The following SLCO6A1 variants were observed in gnomAD, a reference collection of about 807,000 sequenced individuals.
SLCO6A1 encodes the protein solute carrier organic anion transporter family member 6A1, also known as cancer/testis antigen 48.
A neutral mutation model predicts 72.7 loss-of-function variants in SLCO6A1; 65 were observed. The observed-to-expected ratio is 0.89, with a 90% confidence interval of 0.73 to 1.10. SLCO6A1 has a LOEUF of 1.10. Ranked by LOEUF, SLCO6A1 falls within the 50% of genes least tolerant of loss-of-function variation. SLCO6A1 has a pLI of 0.00. For synonymous variants in SLCO6A1, 314 were observed against 298.2 expected (o/e 1.05, Z -0.55); for missense variants, 874 against 872.6 (o/e 1.00, Z -0.02).
At position 102,438,727 on chromosome 5, in the gene SLCO6A1, G is replaced by C; in HGVS notation, c.1166C>G (p.Ala389Gly). Reference sequence around the variant, plus strand: ...TAAATATTCTGTAGCTTTTGACAGAGCTAGGCATATGAGCACTGGATTCTT... The same window carrying C: ...TAAATATTCTGTAGCTTTTGACAGACCTAGGCATATGAGCACTGGATTCTT... ...LMKNPVLICL[A>G]LSKATEYLVI... is the part of the protein sequence containing the mutation. Residue 389 changes from alanine to glycine, a missense_variant, in exon 7 of 14, where the codon GCT becomes GGT. Ala to Gly is a moderately conservative substitution (Grantham distance 60). Coordinates refer to ENST00000506729, the MANE Select transcript of SLCO6A1 (RefSeq NM_173488.5). The C allele has an allele frequency of 6.3e-7, 1 of 1,581,566 alleles. No homozygotes were observed. The highest frequency in any genetic ancestry group is 8.6e-7 in the Non-Finnish European group (1 of 1,167,048).
Position 102,376,014 on chromosome 5 carries a change from G to T in SLCO6A1, c.2018-2520C>A, listed in dbSNP as rs988834757. On this transcript the variant is annotated intron_variant, in intron 12 of 13. Transcript: ENST00000506729. ...GCACATTGTAGTCAATTTAACAAGA[G>T]TCAGACAAAATCAAAGAGAAAATCT... Among the ~76,000 whole-genome samples the T allele has an allele frequency of 2.6e-5, 4 of 152,060 alleles. No individual in the cohort carries two copies. In the East Asian group the frequency reaches 7.7e-4, roughly 29 times the overall value.
chr5:102,442,376 G>A (rs1480951931), intron 6 of SLCO6A1, among the ~76,000 whole-genome samples: 4 of 152,060 alleles, frequency 2.6e-5, no homozygotes, highest in African/African-American at 4.8e-5. Flanking sequence ...TAAATTACTG[G>A]TTCACTATCT....
chr5:102,396,750 G>A (rs1747106601), intron 10 of SLCO6A1, among the ~76,000 whole-genome samples: 1 of 152,090 alleles, frequency 6.6e-6, no homozygotes, highest in African/African-American at 2.4e-5. Flanking sequence ...AGCATGCTGT[G>A]TATCTTCTCC....
chr5:102,397,238 T>C (rs561346186), intron 10 of SLCO6A1, among the ~76,000 whole-genome samples: 18 of 152,304 alleles, frequency 1.2e-4, no homozygotes, highest in African/African-American at 3.4e-4. Flanking sequence ...ATTTTGTCCA[T>C]AGGCAGAATC....
At chr5:102,386,697 G>T (rs911753370) in intron 12 of SLCO6A1, among the ~76,000 whole-genome samples, 1 of 152,160 alleles carries the variant, frequency 6.6e-6, no homozygotes, top group Non-Finnish European at 1.5e-5. Flanking sequence ...AGGATTGGGG[G>T]CATAGTCTGT....
chr5:102,492,806 G>A (rs1370853289), intron 1 of SLCO6A1, among the ~76,000 whole-genome samples: 1 of 152,180 alleles, frequency 6.6e-6, no homozygotes, highest in Non-Finnish European at 1.5e-5. Flanking sequence ...AGCAGTCTGA[G>A]ATCAAACTGC....
intron 7 of SLCO6A1, among the ~76,000 whole-genome samples, chr5:102,423,598 T>C (rs1748727722): frequency 6.6e-6 from 1 of 152,126 alleles, no homozygotes; most frequent in African/African-American, 2.4e-5. Flanking sequence ...ATGCACCCAA[T>C]ACAAGAGCAC....
chr5:102,417,908 T>G (rs1748375985), intron 8 of SLCO6A1, among the ~76,000 whole-genome samples: 1 of 151,974 alleles, frequency 6.6e-6, no homozygotes, highest in African/African-American at 2.4e-5. Flanking sequence ...GGTGGCAGAA[T>G]CACTTGAACC....
rs565584698 is a variant in SLCO6A1, at chr5:102,373,387, G to A, written c.2125C>T (p.Pro709Ser). 1.6e-5 allele frequency: 25 copies of A among 1,572,764 alleles called. No homozygotes were observed. The highest frequency in any genetic ancestry group is 1.8e-5 in the Non-Finnish European group (21 of 1,163,420). ...GTTTCTTCTTTTTTCTTAACTTTTG[G>A]ATTCTTCACAGTTACATCTGGGAAG... Reference protein sequence around the residue: ...TDFPDVTVKNPKVKKKEETDL With the variant: ...TDFPDVTVKNSKVKKKEETDL Residue 709 changes from proline (P) to serine (S), a missense_variant, in exon 13 of 14, where the codon CCA (proline) becomes TCA (serine). Physicochemically the swap from Pro to Ser is moderately conservative, Grantham distance 74. Transcript: ENST00000506729.
At chr5:102,497,429 G>C (rs570342814) in intron 1 of SLCO6A1, among the ~76,000 whole-genome samples, 1 of 152,244 alleles carries the variant, frequency 6.6e-6, no homozygotes, top group East Asian at 1.9e-4. Context: ...TCTCAGAGTT[G>C]GTGACCAAAC....
At chr5:102,385,303 T>C (rs886502358) in intron 12 of SLCO6A1, among the ~76,000 whole-genome samples, 1 of 152,172 alleles carries the variant, frequency 6.6e-6, no homozygotes, top group Admixed American at 6.5e-5. Context: ...TCTTATCTAT[T>C]TGGTGTTACT....
chr5:102,406,220 T>C (rs551267168), intron 9 of SLCO6A1, among the ~76,000 whole-genome samples: 4 of 152,148 alleles, frequency 2.6e-5, no homozygotes. Context: ...CATTACTCTA[T>C]GCTGGCTACA....
rs552917023 is a variant in SLCO6A1, at chr5:102,477,710, C to G, written c.768G>C (p.Glu256Asp). Residue 256 changes from glutamate to aspartate, a missense_variant, in exon 3 of 14, where the codon GAG (glutamate) becomes GAC (aspartate). By Grantham distance (45) the Glu-to-Asp change is conservative. Transcript: ENST00000506729. ...LYILGITFID[E>D]NVATHSAGIY... Reference sequence around the variant, plus strand: ...TACCAGCTGAGTGTGTAGCAACATTCTCATCAATAAAGGTTATTCCAAGGA... The same window carrying G: ...TACCAGCTGAGTGTGTAGCAACATTGTCATCAATAAAGGTTATTCCAAGGA... 6.2e-7 allele frequency: 1 copy of G among 1,613,456 alleles called. No individual in the cohort carries two copies. Among genetic ancestry groups the G allele is most frequent in the Admixed American group, 1.7e-5 (1 of 59,920 alleles).
chr5:102,435,664 C>A (rs955854856), intron 7 of SLCO6A1, among the ~76,000 whole-genome samples: 3 of 152,216 alleles, frequency 2.0e-5, no homozygotes, highest in Non-Finnish European at 4.4e-5. Flanking sequence ...CACCTGATGT[C>A]GGGAGTTCGC....
At chr5:102,399,116 A>T (rs1373173881) in intron 10 of SLCO6A1, among the ~76,000 whole-genome samples, 1 of 152,108 alleles carries the variant, frequency 6.6e-6, no homozygotes, top group African/African-American at 2.4e-5. Context: ...ATAATAATAA[A>T]AATTATATAC....
At chr5:102,433,209 A>G (rs1419270993) in intron 7 of SLCO6A1, among the ~76,000 whole-genome samples, 1 of 152,168 alleles carries the variant, frequency 6.6e-6, no homozygotes, top group Non-Finnish European at 1.5e-5. Flanking sequence ...ATGAGTTTCA[A>G]CGTTCCCCTG....
chr5:102,379,054 T>C (rs936960369), intron 12 of SLCO6A1, among the ~76,000 whole-genome samples: 3 of 152,204 alleles, frequency 2.0e-5, no homozygotes, highest in Non-Finnish European at 4.4e-5. Flanking sequence ...GTGCTGAGAT[T>C]ACAGGCATGA....
intron 1 of SLCO6A1, among the ~76,000 whole-genome samples, chr5:102,483,050 T>A (rs1422251349): frequency 6.6e-6 from 1 of 152,202 alleles, no homozygotes; most frequent in Non-Finnish European, 1.5e-5. Flanking sequence ...CCATCCTTGA[T>A]GTAATTGTCA....
rs1746573457 is a variant in SLCO6A1, at chr5:102,388,828, AT to A, written c.1880-4del. On this transcript the variant is annotated splice_region_variant and splice_polypyrimidine_tract_variant and intron_variant, in intron 11 of 13. Transcript: ENST00000506729. ...GATTGATGGTCCAGGAATAGTCCCT[AT>A]GAAAAATGCAATGATTGTAAATTCT... is the stretch of plus-strand genomic sequence containing the variant. 3 of 1,589,790 alleles carry A rather than the reference AT, an allele frequency of 1.9e-6. No individual in the cohort carries two copies. The highest frequency in any genetic ancestry group is 2.6e-6 in the Non-Finnish European group (3 of 1,173,514).
Sources: gnomAD v4.1 joint callset for allele counts (sites outside exome capture counted in the v4.1 genomes callset) on GRCh38, gnomAD v4.1.1 for gene constraint, MANE v1.5 for transcripts, NCBI Gene and HGNC (gene_info 2026-07-23, HGNC 2026-07-21) for gene names.